Variants in MRTFB observed in about 807,000 individuals in gnomAD.
MRTFB encodes myocardin-related transcription factor B.
A neutral mutation model predicts 104.2 loss-of-function variants in MRTFB; 29 were observed. The observed-to-expected ratio is 0.28, with a 90% CI of 0.21 to 0.38. The LOEUF (loss-of-function observed/expected upper bound fraction) is 0.38. Among genes scored for constraint, MRTFB ranks in the 10% least tolerant of loss-of-function variants. The pLI is 1.00. For synonymous variants in MRTFB, 535 were observed against 519.5 expected, an observed-to-expected ratio of 1.03 and a Z score of -0.41; for missense variants, 1,270 against 1,341.6, an observed-to-expected ratio of 0.95 and a Z score of 0.83.
chr16:13,999,082 C>T, the MRTFB span, among the ~76,000 whole-genome samples: 1 of 147,604 alleles, frequency 6.8e-6, no homozygotes, highest in South Asian at 2.2e-4. Flanking sequence ...CCCAGCTACT[C>T]GGGAGGTTGA....
At chr16:14,085,363 A>G (rs2034636035) in intron 2 of MRTFB, among the ~76,000 whole-genome samples, 1 of 148,656 alleles carries the variant, frequency 6.7e-6, no homozygotes, top group South Asian at 2.3e-4. Context: ...AGGCTGAGGC[A>G]GGAGAATCAC....
At chr16:14,226,329 G>A (rs1229898565) in intron 8 of MRTFB, among the ~76,000 whole-genome samples, 2 of 152,174 alleles carry the variant, frequency 1.3e-5, no homozygotes, top group East Asian at 3.8e-4. Context: ...AATTAAAACA[G>A]TGGTATTGGC....
the MRTFB span, among the ~76,000 whole-genome samples, chr16:14,004,187 A>G: frequency 6.6e-6 from 1 of 152,168 alleles, no homozygotes; most frequent in African/African-American, 2.4e-5. Flanking sequence ...ACCTTCATCC[A>G]GTGGATGGGA....
chr16:14,199,498 C>T (rs926167464), intron 3 of MRTFB, among the ~76,000 whole-genome samples: 2 of 152,178 alleles, frequency 1.3e-5, no homozygotes, highest in African/African-American at 4.8e-5. Flanking sequence ...CAAACATGCC[C>T]AAGACTGCGC....
chr16:14,029,439 T>TACAC, the MRTFB span, among the ~76,000 whole-genome samples: 4 of 77,382 alleles, frequency 5.2e-5, no homozygotes, highest in Admixed American at 1.6e-4. Flanking sequence ...TATATATATA[T>TACAC]ATATATACAC....
intron 3 of MRTFB, chr16:14,141,025 A>G (rs1365830631): frequency 2.8e-6 from 1 of 355,698 alleles, no homozygotes. Flanking sequence ...GCACAAGCAG[A>G]TGATTTCATG....
intron 10 of MRTFB, among the ~76,000 whole-genome samples, chr16:14,241,685 A>G (rs2042772782): frequency 6.6e-6 from 1 of 152,290 alleles, no homozygotes; most frequent in Middle Eastern, 3.4e-3. Flanking sequence ...TTAAGATTCA[A>G]ATATCTTGAG....
At chr16:14,115,080 T>C (rs927106327) in intron 2 of MRTFB, among the ~76,000 whole-genome samples, 10 of 152,182 alleles carry the variant, frequency 6.6e-5, no homozygotes, top group African/African-American at 2.4e-4. Flanking sequence ...TATAGAAAGG[T>C]TTGGGTCTCC....
At chr16:14,013,818 T>C in the MRTFB span, among the ~76,000 whole-genome samples, 5 of 152,164 alleles carry the variant, frequency 3.3e-5, no homozygotes, top group Non-Finnish European at 7.3e-5. Context: ...TTCCCACTGC[T>C]TAAGAATCCA....
intron 8 of MRTFB, among the ~76,000 whole-genome samples, chr16:14,222,212 C>A (rs1273556234): frequency 1.3e-5 from 2 of 152,124 alleles, no homozygotes; most frequent in African/African-American, 2.4e-5. Context: ...TGAGTGAAAT[C>A]TCTGCCTTAG....
chr16:14,068,083 C>T (rs898081956), upstream of MRTFB, among the ~76,000 whole-genome samples: 15 of 152,070 alleles, frequency 9.9e-5, no homozygotes, highest in Non-Finnish European at 1.8e-4. Flanking sequence ...CCTCTCACCT[C>T]GGCCTCCCAA....
intron 10 of MRTFB, among the ~76,000 whole-genome samples, chr16:14,244,154 T>A (rs2042912881): frequency 6.6e-6 from 1 of 152,180 alleles, no homozygotes; most frequent in Admixed American, 6.5e-5. Flanking sequence ...CAGTTTTGCC[T>A]GTTTTTGAAC....
intron 8 of MRTFB, among the ~76,000 whole-genome samples, chr16:14,232,613 TCAGCAGCTGAAAC>T (rs1161208279): frequency 6.6e-6 from 1 of 152,178 alleles, no homozygotes; most frequent in Non-Finnish European, 1.5e-5. Context: ...AAAGCTGAAA[TCAGCAGCTGAAAC>T]CTCAGGGAGC....
At chr16:14,176,450 T>C (rs895026991) in intron 3 of MRTFB, among the ~76,000 whole-genome samples, 2 of 152,224 alleles carry the variant, frequency 1.3e-5, no homozygotes, top group Admixed American at 6.5e-5. Context: ...GCCCAGAGAA[T>C]TAAACCCTAC....
At chr16:14,193,327 A>G (rs2040279039) in intron 3 of MRTFB, among the ~76,000 whole-genome samples, 1 of 152,026 alleles carries the variant, frequency 6.6e-6, no homozygotes, top group African/African-American at 2.4e-5. Context: ...GGATAAAATC[A>G]AAAATCTGTG....
At chr16:14,016,141 C>A in the MRTFB span, 2 of 395,380 alleles carry the variant, frequency 5.1e-6, no homozygotes, top group Non-Finnish European at 8.9e-6. Context: ...AGTTACTTCA[C>A]TTCTCTGACT....
chr16:14,238,140 C>T (rs561462650), intron 9 of MRTFB, among the ~76,000 whole-genome samples: 6 of 152,098 alleles, frequency 3.9e-5, no homozygotes, highest in South Asian at 2.1e-4. Context: ...ATGCGGGGGA[C>T]GAGGTGGGTG....
At chr16:14,031,391 CAAA>C in the MRTFB span, among the ~76,000 whole-genome samples, 10 of 81,114 alleles carry the variant, frequency 1.2e-4, no homozygotes, top group Non-Finnish European at 1.5e-4. Context: ...GAGGCTGTCT[CAAA>C]AAAAAAAAAA....
At chr16:14,096,685 G>C (rs1373070193) in intron 2 of MRTFB, among the ~76,000 whole-genome samples, 2 of 152,006 alleles carry the variant, frequency 1.3e-5, no homozygotes, top group Non-Finnish European at 2.9e-5. Context: ...TTTCATACTT[G>C]GTCTATAGAA....
Sources: allele counts gnomAD v4.1 joint callset (sites outside exome capture counted in the v4.1 genomes callset), GRCh38; gene constraint gnomAD v4.1.1; transcripts MANE v1.5; gene names NCBI Gene and HGNC (gene_info 2026-07-23, HGNC 2026-07-21).